Variants in UVRAG observed in about 807,000 individuals in gnomAD.
UVRAG encodes the protein UV radiation resistance associated.
A neutral mutation model predicts 78.0 loss-of-function variants in UVRAG; 19 were observed. The observed-to-expected ratio is 0.24, with a 90% confidence interval of 0.17 to 0.36. UVRAG has a LOEUF of 0.36. Among genes scored for constraint, UVRAG ranks in the 10% least tolerant of loss-of-function variants. UVRAG has a pLI of 1.00. For synonymous variants in UVRAG, 323 were observed against 324.6 expected (o/e 1.00, Z 0.05); for missense variants, 740 against 853.8 (o/e 0.87, Z 1.66).
chr11:76,121,203 C>A (rs1952268080), intron 14 of UVRAG, among the ~76,000 whole-genome samples: 1 of 152,152 alleles, frequency 6.6e-6, no homozygotes, highest in Non-Finnish European at 1.5e-5. Flanking sequence ...GAATGATCGA[C>A]CTGATTAATC....
intron 9 of UVRAG, 44 bp from the exon 10 acceptor site, chr11:76,007,490 A>G (rs761687505): frequency 7.0e-7 from 1 of 1,427,164 alleles, no homozygotes; most frequent in Admixed American, 1.7e-5. Context: ...CAAAGCATGC[A>G]AGCATATATT....
intron 7 of UVRAG, among the ~76,000 whole-genome samples, chr11:75,974,535 TTTTTGTA>T (rs1487072688): frequency 6.6e-6 from 1 of 151,076 alleles, no homozygotes; most frequent in Non-Finnish European, 1.5e-5. Flanking sequence ...CCCGGCTAAT[TTTTTGTA>T]TTTTTAGTAG....
At chr11:75,888,438 C>T (rs1590978980) in intron 4 of UVRAG, among the ~76,000 whole-genome samples, 1 of 152,156 alleles carries the variant, frequency 6.6e-6, no homozygotes, top group Non-Finnish European at 1.5e-5. Context: ...GCTACTGTGC[C>T]AGGCCTAGGC....
intron 3 of UVRAG, among the ~76,000 whole-genome samples, chr11:75,867,544 G>T (rs1207156727): frequency 6.6e-6 from 1 of 152,104 alleles, no homozygotes; most frequent in Non-Finnish European, 1.5e-5. Flanking sequence ...TAGGCATTTG[G>T]TTAGGTTCTA....
chr11:75,961,642 T>G, intron 7 of UVRAG, 93 bp downstream of exon 7: 6 of 910,038 alleles, frequency 6.6e-6, no homozygotes, highest in Non-Finnish European at 9.6e-6. Flanking sequence ...ACGCTTTAGA[T>G]CGTTTTTATC....
intron 12 of UVRAG, among the ~76,000 whole-genome samples, chr11:76,062,001 C>A (rs1460960259): frequency 2.0e-5 from 3 of 152,106 alleles, no homozygotes; most frequent in African/African-American, 7.2e-5. Flanking sequence ...AGAAATTTGC[C>A]TCACACAGTT....
chr11:75,951,363 A>G (rs1464688375), intron 6 of UVRAG, among the ~76,000 whole-genome samples: 2 of 143,258 alleles, frequency 1.4e-5, no homozygotes, highest in African/African-American at 5.7e-5. Flanking sequence ...GTGTGTGTAT[A>G]TATTTTTTGT....
rs1002792734 is a variant in UVRAG at position 76,045,521 on chromosome 11, AT to A, written c.1227-20181del. Among the ~76,000 whole-genome samples, 6 of 152,178 alleles carry A rather than the reference AT, an allele frequency of 3.9e-5. No homozygotes were observed. The South Asian group carries it at 8.3e-4, about 21-fold the overall frequency. The stretch of plus-strand genomic sequence containing the variant: ...AAATAAAAATCAATAGTTTGTTGGG[AT>A]TTTTTTTAGGAGACTTTAAATAATA... On this transcript the variant is annotated intron_variant, in intron 12 of 14. Coordinates refer to ENST00000356136, the MANE Select transcript of UVRAG (RefSeq NM_003369.4).
rs1565117056 is a variant in UVRAG, at chr11:76,007,578, G to A, written c.956G>A (p.Arg319Lys). 1 of 1,613,806 alleles carries A rather than the reference G, an allele frequency of 6.2e-7. No homozygotes were observed. The highest frequency in any genetic ancestry group is 2.2e-5 in the East Asian group (1 of 44,836). ...AATGCTCAGTTGACAATTCGTTGCA[G>A]GCAGTTACTCTCTGAGCTTTCCTAC... ...KTNAQLTIRC[R>K]QLLSELSYIY... Residue 319 changes from arginine (R) to lysine (K), a missense_variant, in exon 10 of 15, where the codon AGG (arginine) becomes AAG (lysine). Coordinates refer to ENST00000356136, the MANE Select transcript of UVRAG (RefSeq NM_003369.4).
chr11:75,940,939 G>C (rs1193183313), intron 6 of UVRAG, among the ~76,000 whole-genome samples: 10 of 151,790 alleles, frequency 6.6e-5, no homozygotes, highest in Admixed American at 5.9e-4. Context: ...TCCACAAGTA[G>C]ACATCATTAA....
In UVRAG at chr11:75,952,095, A is replaced by G. The variant is rs138007189; in HGVS notation, c.594-9349A>G. ...TTATTCCTAGTTATTTATTGATATTAAATAGAAACACTGATTGATTTTTAA... is the reference window on the plus strand; with the variant it reads ...TTATTCCTAGTTATTTATTGATATTGAATAGAAACACTGATTGATTTTTAA... On this transcript the variant is annotated intron_variant, in intron 6 of 14. Coordinates refer to ENST00000356136, the MANE Select transcript of UVRAG (RefSeq NM_003369.4). 2.6e-5 allele frequency among the ~76,000 whole-genome samples: 4 copies of G among 152,296 alleles called. No homozygotes were observed. In the East Asian group the frequency reaches 7.7e-4, roughly 29 times the overall value.
intron 7 of UVRAG, among the ~76,000 whole-genome samples, chr11:75,962,832 T>A (rs1948934853): frequency 6.6e-6 from 1 of 152,200 alleles, no homozygotes; most frequent in African/African-American, 2.4e-5. Context: ...AAATTAATTG[T>A]TGCATTAAAT....
At chr11:75,940,765 A>G (rs529457649) in intron 6 of UVRAG, among the ~76,000 whole-genome samples, 58 of 152,316 alleles carry the variant, frequency 3.8e-4, no homozygotes, top group African/African-American at 1.4e-3. Flanking sequence ...TATGATTTTT[A>G]TCCCCATTTT....
chr11:75,873,443 C>A (rs568142816), intron 3 of UVRAG, among the ~76,000 whole-genome samples: 2 of 151,868 alleles, frequency 1.3e-5, no homozygotes, highest in Non-Finnish European at 2.9e-5. Flanking sequence ...TCCTCGCAGT[C>A]GGTGGCAGGC....
At chr11:76,061,192 T>C (rs1329730593) in intron 12 of UVRAG, among the ~76,000 whole-genome samples, 5 of 152,202 alleles carry the variant, frequency 3.3e-5, no homozygotes, top group African/African-American at 1.2e-4. Context: ...ATCTAGCTAC[T>C]CTGGTGGGGA....
At chr11:75,991,732 A>G (rs537990709) in intron 8 of UVRAG, among the ~76,000 whole-genome samples, 2 of 152,290 alleles carry the variant, frequency 1.3e-5, no homozygotes, top group African/African-American at 4.8e-5. Flanking sequence ...GTAAAAAGAT[A>G]GGGAGATATA....
chr11:75,985,273 G>T (rs565628910), intron 8 of UVRAG, among the ~76,000 whole-genome samples: 8 of 147,828 alleles, frequency 5.4e-5, no homozygotes, highest in African/African-American at 2.0e-4. Context: ...TTATTTTCCT[G>T]AAGACTAATG....
At chr11:75,947,335 A>G (rs1385365045) in intron 6 of UVRAG, among the ~76,000 whole-genome samples, 1 of 152,194 alleles carries the variant, frequency 6.6e-6, no homozygotes, top group Non-Finnish European at 1.5e-5. Context: ...TATGGTGTTT[A>G]TAAGTCCTGC....
chr11:75,991,313 C>G (rs1044620962), intron 8 of UVRAG, among the ~76,000 whole-genome samples: 1 of 152,146 alleles, frequency 6.6e-6, no homozygotes, highest in African/African-American at 2.4e-5. Context: ...TGCCTGCTAT[C>G]TGTGGCATAT....
Sources: allele counts gnomAD v4.1 joint callset (sites outside exome capture counted in the v4.1 genomes callset), GRCh38; gene constraint gnomAD v4.1.1; transcripts MANE v1.5; gene names NCBI Gene and HGNC (gene_info 2026-07-23, HGNC 2026-07-21).